The following CSMD1 variants were observed in gnomAD, a reference collection of about 807,000 sequenced individuals.
The protein encoded by CSMD1 is CUB and sushi domain-containing protein 1.
In CSMD1, 213 loss-of-function variants were observed where a neutral mutation model predicts 417.5. That is an observed-to-expected ratio of 0.51 (90% CI 0.46 to 0.57). CSMD1 has a LOEUF of 0.57. Ranked by LOEUF, CSMD1 falls within the 20% of genes least tolerant of loss-of-function variation. The pLI is 0.00. For missense variants in CSMD1, 6,923 were observed against 4,529.7 expected (o/e 1.53, Z -15.17); for synonymous variants, 2,862 against 1,736.8 (o/e 1.65, Z -16.11).
In CSMD1 at chr8:3,313,248, C is replaced by T. The variant is rs1805492184; in HGVS notation, c.3632-4745G>A. 2.0e-5 allele frequency among the ~76,000 whole-genome samples: 3 copies of T among 152,280 alleles called. No individual in the cohort carries two copies. In the South Asian group the frequency reaches 6.2e-4, roughly 32 times the overall value. On this transcript the variant is annotated intron_variant, in intron 23 of 69. Transcript: ENST00000635120. ...TCTAAAACACCAAAAGCAATGGCAA[C>T]AAAACCCAAAATTGACAAATGGGAT...
At chr8:4,875,548 C>T (rs951274030) in intron 1 of CSMD1, among the ~76,000 whole-genome samples, 3 of 152,046 alleles carry the variant, frequency 2.0e-5, no homozygotes, top group Non-Finnish European at 4.4e-5. Flanking sequence ...CTGTCCAACT[C>T]AAGCAGAAGC....
At chr8:4,435,412 C>A (rs1218392823) in intron 2 of CSMD1, among the ~76,000 whole-genome samples, 1 of 152,138 alleles carries the variant, frequency 6.6e-6, no homozygotes, top group Non-Finnish European at 1.5e-5. Context: ...AAAGAAGTCA[C>A]CATGCAGGCC....
intron 10 of CSMD1, among the ~76,000 whole-genome samples, chr8:3,527,023 T>C (rs1157201621): frequency 6.6e-6 from 1 of 152,074 alleles, no homozygotes; most frequent in Non-Finnish European, 1.5e-5. Context: ...CTACTCAGAA[T>C]GTGGCTGGGC....
intron 3 of CSMD1, among the ~76,000 whole-genome samples, chr8:4,245,887 T>C (rs754576203): frequency 6.6e-6 from 1 of 152,164 alleles, no homozygotes; most frequent in African/African-American, 2.4e-5. Context: ...AGGGTATACT[T>C]TTCATACATG....
intron 3 of CSMD1, among the ~76,000 whole-genome samples, chr8:4,188,729 T>A (rs1798833284): frequency 6.6e-6 from 1 of 152,110 alleles, no homozygotes. Context: ...TAAACAATTT[T>A]TGAGTAATGT....
chr8:4,796,547 C>T (rs1408139061), intron 1 of CSMD1, among the ~76,000 whole-genome samples: 1 of 151,576 alleles, frequency 6.6e-6, no homozygotes, highest in Non-Finnish European at 1.5e-5. Flanking sequence ...CGCTCTCAGA[C>T]TAGAGAGCAC....
intron 54 of CSMD1, among the ~76,000 whole-genome samples, chr8:2,985,459 G>C (rs1805812263): frequency 1.3e-5 from 2 of 152,048 alleles, no homozygotes; most frequent in African/African-American, 4.8e-5. Context: ...ACGTGAGGGA[G>C]GAGACTGGTG....
Position 3,256,038 on chromosome 8 carries a change from A to G in CSMD1, c.4154-25807T>C, listed in dbSNP as rs148327353. On this transcript the variant is annotated intron_variant, in intron 26 of 69. Transcript: ENST00000635120. ...CCAAGTACACATTTTTATAGAAGAC[A>G]ATGACTGAGCCGGGTGAGGTGGCTC... 2.9e-3 allele frequency among the ~76,000 whole-genome samples: 443 copies of G among 152,168 alleles called. 2 individuals carry two copies. The highest frequency in any genetic ancestry group is 0.01 in the African/African-American group (420 of 41,528).
chr8:4,493,073 A>C (rs1239225806), intron 2 of CSMD1, among the ~76,000 whole-genome samples: 3 of 152,142 alleles, frequency 2.0e-5, no homozygotes, highest in Non-Finnish European at 4.4e-5. Context: ...AGGTTAATAC[A>C]TTTGCTTATA....
chr8:4,930,678 A>G (rs1016584275), intron 1 of CSMD1, among the ~76,000 whole-genome samples: 3 of 152,228 alleles, frequency 2.0e-5, no homozygotes, highest in African/African-American at 4.8e-5. Context: ...TACCCCAGGT[A>G]TCAATGTTTA....
chr8:3,368,752 T>C (rs1005590201), intron 19 of CSMD1, among the ~76,000 whole-genome samples: 1 of 152,224 alleles, frequency 6.6e-6, no homozygotes, highest in African/African-American at 2.4e-5. Context: ...AATATCCTGA[T>C]CTTCACTATG....
At chr8:4,883,114 G>A (rs1803516321) in intron 1 of CSMD1, among the ~76,000 whole-genome samples, 1 of 152,058 alleles carries the variant, frequency 6.6e-6, no homozygotes, top group East Asian at 1.9e-4. Context: ...TTTATAGTAA[G>A]GTGGAAAGGA....
intron 2 of CSMD1, among the ~76,000 whole-genome samples, chr8:4,592,790 C>G (rs915991436): frequency 6.6e-6 from 1 of 152,092 alleles, no homozygotes; most frequent in East Asian, 1.9e-4. Flanking sequence ...ATATTGTTTT[C>G]TAAAATCTAC....
At chr8:4,918,873 C>A (rs1806242378) in intron 1 of CSMD1, among the ~76,000 whole-genome samples, 1 of 152,104 alleles carries the variant, frequency 6.6e-6, no homozygotes, top group Non-Finnish European at 1.5e-5. Context: ...ACACACACCC[C>A]TACAACATGT....
intron 49 of CSMD1, among the ~76,000 whole-genome samples, chr8:3,072,209 C>T (rs746190642): frequency 9.9e-5 from 15 of 152,052 alleles, no homozygotes; most frequent in South Asian, 2.1e-4. Context: ...AATTAGAGGT[C>T]GAAAGTTTTG....
chr8:3,366,369 A>AT lies in CSMD1; in HGVS notation c.3115+662dup, dbSNP rs1456908504. Among the ~76,000 whole-genome samples, 3 of 145,080 alleles carry AT rather than the reference A, an allele frequency of 2.1e-5. No homozygotes were observed. The Admixed American group carries it at 2.1e-4, about 10-fold the overall frequency. On this transcript the variant is annotated intron_variant, in intron 20 of 69. Transcript: ENST00000635120. Reference sequence around the variant, plus strand: ...TTTGGCCAGTTTTTAAGTGGCGGCAATTTTTTCTTATCTGTAGAAAAAATT... The same window carrying AT: ...TTTGGCCAGTTTTTAAGTGGCGGCAATTTTTTTCTTATCTGTAGAAAAAATT...
At chr8:4,162,861 G>C (rs13250353) in intron 3 of CSMD1, among the ~76,000 whole-genome samples, 53,469 of 152,018 alleles carry the variant, frequency 0.35, 10,087 homozygotes, top group Non-Finnish European at 0.41. Flanking sequence ...ATCACACTGA[G>C]TAGTTTCCCC....
chr8:4,649,642 A>T (rs117051888), intron 1 of CSMD1, among the ~76,000 whole-genome samples: 4,023 of 152,198 alleles, frequency 0.026, 69 homozygotes, highest in South Asian at 0.049. Context: ...AATTTTAAGA[A>T]CTCTTCTACT....
At position 3,695,901 on chromosome 8, in the gene CSMD1, T is replaced by C. The variant is rs150507389; in HGVS notation, c.1009+12513A>G. 2.4e-3 allele frequency among the ~76,000 whole-genome samples: 365 copies of C among 152,368 alleles called. 1 individual carries two copies. The highest frequency in any genetic ancestry group is 8.5e-3 in the African/African-American group (352 of 41,592). ...GTATATTCATTGTACTCATTTGATA[T>C]CTTTCTAATTATTTTCTATCTTTGT... On this transcript the variant is annotated intron_variant, in intron 7 of 69. Coordinates refer to ENST00000635120, the MANE Select transcript of CSMD1 (RefSeq NM_033225.6).
Sources: gnomAD v4.1 joint callset for allele counts (sites outside exome capture counted in the v4.1 genomes callset) on GRCh38, gnomAD v4.1.1 for gene constraint, MANE v1.5 for transcripts, NCBI Gene and HGNC (gene_info 2026-07-23, HGNC 2026-07-21) for gene names.